Variants in MAP2K5 observed in about 807,000 individuals in gnomAD.
MAP2K5 encodes mitogen-activated protein kinase kinase 5, also known as dual specificity mitogen-activated protein kinase kinase 5.
In MAP2K5, 49 loss-of-function variants were observed where a neutral mutation model predicts 83.1. The ratio of observed to expected loss-of-function variants is 0.59; its 90% CI spans 0.47 to 0.75. The LOEUF (loss-of-function observed/expected upper bound fraction) is 0.75, where lower values mean the gene tolerates loss of function less well. MAP2K5 is among the 30% of genes least tolerant of loss of function. The pLI, the probability that MAP2K5 is intolerant of heterozygous loss-of-function variation, is 0.00. For synonymous variants in MAP2K5, 202 were observed against 191.8 expected (o/e 1.05, Z -0.44); for missense variants, 457 against 557.5 (o/e 0.82, Z 1.82).
chr15:67,747,031 A>G lies in MAP2K5; in HGVS notation c.1075-1200A>G, dbSNP rs1345793357. Among the ~76,000 whole-genome samples the G allele has an allele frequency of 6.6e-6, 1 of 152,222 alleles. No individual in the cohort carries two copies. Among genetic ancestry groups the G allele is most frequent in the Non-Finnish European group, 1.5e-5 (1 of 68,028 alleles). ...AATACAGTTGTTTTCAAATAACTCT[A>G]TGATCATAGGCAAGTGTAATACAGA... On this transcript the variant is annotated intron_variant, in intron 17 of 21. Coordinates refer to ENST00000178640, the MANE Select transcript of MAP2K5 (RefSeq NM_145160.3). This position sits in a 1 kb window ranked among gnomAD's most constrained non-coding sequence, Gnocchi z 4.1.
In MAP2K5 at chr15:67,562,825, T is replaced by C. The variant is rs2084763534; in HGVS notation, c.185-458T>C. 6.6e-6 allele frequency among the ~76,000 whole-genome samples: 1 copy of C among 152,200 alleles called. No homozygotes were observed. Among genetic ancestry groups the C allele is most frequent in the Non-Finnish European group, 1.5e-5 (1 of 68,042 alleles). Reference sequence around the variant, plus strand: ...AGCATAGATCACAGTGCCTCATGTATTGTAGTGTTCAGTAAGTGTTAGCCA... The same window carrying C: ...AGCATAGATCACAGTGCCTCATGTACTGTAGTGTTCAGTAAGTGTTAGCCA... On this transcript the variant is annotated intron_variant, in intron 2 of 21. Transcript: ENST00000178640. This position sits in a 1 kb window ranked among gnomAD's most constrained non-coding sequence, Gnocchi z 4.1.
At chr15:67,800,337 G>A (rs1248199317) in intron 21 of MAP2K5, among the ~76,000 whole-genome samples, 1 of 152,030 alleles carries the variant, frequency 6.6e-6, no homozygotes. Flanking sequence ...GAATGTATTA[G>A]TATCCATTGT....
At chr15:67,714,605 A>C (rs2088787101) in intron 16 of MAP2K5, among the ~76,000 whole-genome samples, 1 of 152,030 alleles carries the variant, frequency 6.6e-6, no homozygotes, top group South Asian at 2.1e-4. Context: ...CACACCATAA[A>C]AATTTGCCAT....
chr15:67,721,765 A>G (rs1370829389), intron 16 of MAP2K5, among the ~76,000 whole-genome samples: 4 of 152,208 alleles, frequency 2.6e-5, no homozygotes, highest in Non-Finnish European at 2.9e-5. Flanking sequence ...ATAGGAAAAA[A>G]TACGTGTGGG....
intron 6 of MAP2K5, among the ~76,000 whole-genome samples, chr15:67,589,096 G>A (rs1221365535): frequency 2.0e-5 from 3 of 151,516 alleles, no homozygotes; most frequent in Non-Finnish European, 4.4e-5. Context: ...TTCTCACTTT[G>A]GCCTCCCAAA....
At chr15:67,788,594 A>C (rs1596976430) in intron 21 of MAP2K5, among the ~76,000 whole-genome samples, 1 of 152,312 alleles carries the variant, frequency 6.6e-6, no homozygotes, top group East Asian at 1.9e-4. Flanking sequence ...TAAGCACTTA[A>C]TATAGTAGTT....
At chr15:67,714,058 C>T (rs1396481473) in intron 16 of MAP2K5, among the ~76,000 whole-genome samples, 1 of 152,116 alleles carries the variant, frequency 6.6e-6, no homozygotes, top group Non-Finnish European at 1.5e-5. Context: ...ACACCTTTTA[C>T]ATGTCAAACA....
intron 9 of MAP2K5, chr15:67,642,352 A>G: frequency 7.6e-7 from 1 of 1,319,464 alleles, no homozygotes. Flanking sequence ...AGAAAAATGT[A>G]CAAGACTCAG....
At chr15:67,576,930 T>A (rs7181077) in intron 3 of MAP2K5, among the ~76,000 whole-genome samples, 107,209 of 118,950 alleles carry the variant, frequency 0.9, 48,363 homozygotes, top group East Asian at 0.95. Context: ...ATATATATAT[T>A]TTTTTTTTTT....
intron 11 of MAP2K5, among the ~76,000 whole-genome samples, chr15:67,656,799 T>G (rs2141137848): frequency 6.6e-6 from 1 of 152,314 alleles, no homozygotes; most frequent in East Asian, 1.9e-4. Flanking sequence ...GCCCTAATGT[T>G]TGATAGGTCT....
chr15:67,754,657 C>T (rs1748783005), intron 19 of MAP2K5, among the ~76,000 whole-genome samples: 1 of 152,132 alleles, frequency 6.6e-6, no homozygotes, highest in Non-Finnish European at 1.5e-5. Context: ...GATATTTGAG[C>T]TGGGCTTTGG....
intron 2 of MAP2K5, among the ~76,000 whole-genome samples, chr15:67,558,522 G>A (rs1171884254): frequency 3.3e-5 from 5 of 152,126 alleles, no homozygotes; most frequent in Non-Finnish European, 4.4e-5. Context: ...ACACCACCAC[G>A]CTCACAACCC....
intron 8 of MAP2K5, among the ~76,000 whole-genome samples, chr15:67,624,282 T>C (rs1596670457): frequency 1.4e-5 from 2 of 138,216 alleles, no homozygotes; most frequent in South Asian, 4.5e-4. Context: ...GAGCTGGCAG[T>C]GAGCCGAGAT....
At chr15:67,740,079 T>A (rs937302457) in intron 17 of MAP2K5, among the ~76,000 whole-genome samples, 6 of 152,158 alleles carry the variant, frequency 3.9e-5, no homozygotes, top group Non-Finnish European at 7.4e-5. Flanking sequence ...GAGTGACTTT[T>A]AGAGGAGAGT....
chr15:67,651,453 C>G (rs2086951986), intron 11 of MAP2K5, among the ~76,000 whole-genome samples: 1 of 152,064 alleles, frequency 6.6e-6, no homozygotes, highest in Admixed American at 6.6e-5. Flanking sequence ...TGTTGTGGTG[C>G]CAAACACTGG....
chr15:67,593,486 G>A (rs1352584577), intron 7 of MAP2K5, among the ~76,000 whole-genome samples: 1 of 152,178 alleles, frequency 6.6e-6, no homozygotes, highest in East Asian at 1.9e-4. Flanking sequence ...AACCCAGCCA[G>A]TGAGGGACAA....
chr15:67,633,455 A>G (rs1040031179), intron 9 of MAP2K5, among the ~76,000 whole-genome samples: 1 of 152,274 alleles, frequency 6.6e-6, no homozygotes, highest in African/African-American at 2.4e-5. Context: ...TTATGTTTAT[A>G]TAGACTAATA....
chr15:67,710,378 G>A (rs1273464066), intron 16 of MAP2K5, among the ~76,000 whole-genome samples: 1 of 151,976 alleles, frequency 6.6e-6, no homozygotes, highest in Non-Finnish European at 1.5e-5. Context: ...TGAATGATGT[G>A]CTGAATGATG....
chr15:67,674,270 C>G (rs1247672835), intron 13 of MAP2K5, among the ~76,000 whole-genome samples: 2 of 152,104 alleles, frequency 1.3e-5, no homozygotes, highest in Middle Eastern at 3.2e-3. Flanking sequence ...GTGCGTTCTT[C>G]CTTCCCTGAG....
Sources: allele counts gnomAD v4.1 joint callset (sites outside exome capture counted in the v4.1 genomes callset), GRCh38; gene constraint gnomAD v4.1.1; non-coding constraint Gnocchi (gnomAD v3.1); transcripts MANE v1.5; gene names NCBI Gene and HGNC (gene_info 2026-07-23, HGNC 2026-07-21).